The following KLHL4 variants were observed in gnomAD, a reference collection of about 807,000 sequenced individuals.
KLHL4 encodes the protein kelch-like protein 4.
KLHL4 carries 17 observed loss-of-function variants against 45.8 expected under a neutral mutation model. That is an observed-to-expected ratio of 0.37 (90% CI 0.25 to 0.56). The LOEUF is 0.56. Ranked by LOEUF, KLHL4 falls within the 20% of genes least tolerant of loss-of-function variation. KLHL4 has a pLI of 0.79. For synonymous variants in KLHL4, 224 were observed against 189.9 expected, an observed-to-expected ratio of 1.18 and a Z score of -1.47; for missense variants, 544 against 544.9, an observed-to-expected ratio of 1.00 and a Z score of 0.02.
intron 1 of KLHL4, among the ~76,000 whole-genome samples, chrX:87,585,403 A>G (rs1216807907): frequency 8.9e-6 from 1 of 112,000 alleles, no homozygotes; most frequent in African/African-American, 3.2e-5. Context: ...ACGAAAAATA[A>G]TAAGTACAAC....
Position 87,669,556 on chromosome X carries a change from G to T in KLHL4, c.*3022G>T. 1 of 550,023 alleles carries T rather than the reference G, an allele frequency of 1.8e-6. No individual in the cohort carries two copies. Among genetic ancestry groups the T allele is most frequent in the African/African-American group, 2.4e-5 (1 of 40,973 alleles). The allele number at this position is 550,023 out of a possible 1,213,427, so 45.3% of individuals were successfully genotyped here. ...CCTGTGACTCTGGATTTTATTTTAAGTTCTCTAACAAGACTCCTACCTTGA... is the reference window on the plus strand; with the variant it reads ...CCTGTGACTCTGGATTTTATTTTAATTTCTCTAACAAGACTCCTACCTTGA... On this transcript the variant is annotated 3_prime_UTR_variant, in exon 11 of 11. Coordinates refer to ENST00000373119, the MANE Select transcript of KLHL4 (RefSeq NM_019117.5).
intron 1 of KLHL4, among the ~76,000 whole-genome samples, chrX:87,543,939 C>A: frequency 9.0e-6 from 1 of 111,344 alleles, no homozygotes; most frequent in Admixed American, 9.5e-5. Context: ...CCTCTATGGT[C>A]TAGGTATGCC....
In KLHL4 at chrX:87,549,261, C is replaced by A. The variant is rs185014118; in HGVS notation, c.422+30946C>A. ...ATATATGCATCCAAGATGGTAGCAC[C>A]CAGATTTATAAAGGAAATATTATTA... On this transcript the variant is annotated intron_variant, in intron 1 of 10. Transcript: ENST00000373119. Among the ~76,000 whole-genome samples, 447 of 110,008 alleles carry A rather than the reference C, an allele frequency of 4.1e-3. 1 individual carries two copies. Among genetic ancestry groups the A allele is most frequent in the Non-Finnish European group, 6.1e-3 (320 of 52,446 alleles).
chrX:87,563,817 C>A (rs1357748686), intron 1 of KLHL4, among the ~76,000 whole-genome samples: 1 of 110,447 alleles, frequency 9.1e-6, no homozygotes, highest in South Asian at 3.8e-4. Flanking sequence ...ATCAAACTCC[C>A]AAAGGTCATG....
At chrX:87,531,691 G>A (rs1269959282) in intron 1 of KLHL4, among the ~76,000 whole-genome samples, 1 of 103,714 alleles carries the variant, frequency 9.6e-6, no homozygotes, top group Non-Finnish European at 2.0e-5. Flanking sequence ...ACCAATAACA[G>A]ACAAACAGAG....
At chrX:87,646,362 AC>A (rs1313019223) in intron 9 of KLHL4, among the ~76,000 whole-genome samples, 1 of 111,463 alleles carries the variant, frequency 9.0e-6, no homozygotes, top group Non-Finnish European at 1.9e-5. Context: ...TTATAATACC[AC>A]CAGCATTCTT....
chrX:87,639,504 C>G (rs144556778), intron 9 of KLHL4, among the ~76,000 whole-genome samples: 6,057 of 111,175 alleles, frequency 0.054, 400 homozygotes, highest in African/African-American at 0.18. Flanking sequence ...GAAATTTTAT[C>G]AAGTACTCTG....
At chrX:87,641,787 C>A (rs1923468657) in intron 9 of KLHL4, among the ~76,000 whole-genome samples, 1 of 110,564 alleles carries the variant, frequency 9.0e-6, no homozygotes, top group Non-Finnish European at 1.9e-5. Context: ...ACTTCCCTGA[C>A]AACCTGCATG....
intron 10 of KLHL4, among the ~76,000 whole-genome samples, 160 bp from the exon 11 acceptor site, chrX:87,666,315 A>T (rs1469525792): frequency 3.6e-5 from 4 of 111,679 alleles, no homozygotes; most frequent in Non-Finnish European, 5.7e-5. Context: ...TTTTTCCAGC[A>T]CACTACACTG....
chrX:87,541,474 GAGA>G (rs1931555439), intron 1 of KLHL4, among the ~76,000 whole-genome samples: 1 of 52,028 alleles, frequency 1.9e-5, no homozygotes, highest in African/African-American at 8.8e-5. Flanking sequence ...CTGGGTGACA[GAGA>G]GAGACTCCAT....
At chrX:87,561,230 C>T (rs1932091746) in intron 1 of KLHL4, among the ~76,000 whole-genome samples, 1 of 110,578 alleles carries the variant, frequency 9.0e-6, no homozygotes, top group Non-Finnish European at 1.9e-5. Context: ...AGGTGAGTTA[C>T]GACAGCACCT....
At chrX:87,561,035 A>T (rs1932087033) in intron 1 of KLHL4, among the ~76,000 whole-genome samples, 3 of 111,463 alleles carry the variant, frequency 2.7e-5, no homozygotes, top group African/African-American at 9.8e-5. Context: ...TAAAACCTGA[A>T]ATTATGAAAC....
chrX:87,626,230 G>A, intron 6 of KLHL4, among the ~76,000 whole-genome samples: 1 of 111,355 alleles, frequency 9.0e-6, no homozygotes, highest in Non-Finnish European at 1.9e-5. Flanking sequence ...AGACATCAAC[G>A]TGTAAGGTAT....
intron 1 of KLHL4, among the ~76,000 whole-genome samples, chrX:87,608,388 C>A (rs1279907526): frequency 9.0e-6 from 1 of 111,685 alleles, no homozygotes; most frequent in African/African-American, 3.3e-5. Context: ...CCTCACCATT[C>A]TCTTCCTTTC....
intron 8 of KLHL4, among the ~76,000 whole-genome samples, chrX:87,634,278 T>C (rs189534988): frequency 3.6e-5 from 4 of 111,590 alleles, no homozygotes; most frequent in African/African-American, 1.3e-4. Flanking sequence ...AAAACTTTAG[T>C]CTGTCTATGG....
intron 1 of KLHL4, among the ~76,000 whole-genome samples, chrX:87,610,100 C>A (rs1922323149): frequency 9.0e-6 from 1 of 111,689 alleles, no homozygotes; most frequent in Non-Finnish European, 1.9e-5. Flanking sequence ...AGATGCCTTC[C>A]ATTACCACTC....
In KLHL4 at chrX:87,604,274, ATGGTAT is replaced by A. The variant is rs1443903530; in HGVS notation, c.423-9602_423-9597del. Among the ~76,000 whole-genome samples, 4 of 110,460 alleles carry A rather than the reference ATGGTAT, an allele frequency of 3.6e-5. No individual in the cohort carries two copies. The East Asian group carries it at 1.1e-3, about 31-fold the overall frequency. On this transcript the variant is annotated intron_variant, in intron 1 of 10. Coordinates refer to ENST00000373119, the MANE Select transcript of KLHL4 (RefSeq NM_019117.5). ...CCCAGTAGTGGGATTGAAAGATCCT[ATGGTAT>A]CTATCAGTCACATAGGTATTCATAT...
chrX:87,519,893 C>T (rs1602395501), intron 1 of KLHL4, among the ~76,000 whole-genome samples: 1 of 111,895 alleles, frequency 8.9e-6, no homozygotes, highest in South Asian at 3.7e-4. Flanking sequence ...GGAATATTTA[C>T]AATAAAATAG....
At position 87,563,531 on chromosome X, in the gene KLHL4, T is replaced by C. The variant is rs1486267513; in HGVS notation, c.422+45216T>C. Reference sequence around the variant, plus strand: ...AGAATGCATCAGAGTCTCTCAACAGTAGAATTGATCAAGCAGAAGAAAGAA... The same window carrying C: ...AGAATGCATCAGAGTCTCTCAACAGCAGAATTGATCAAGCAGAAGAAAGAA... On this transcript the variant is annotated intron_variant, in intron 1 of 10. Coordinates refer to ENST00000373119, the MANE Select transcript of KLHL4 (RefSeq NM_019117.5). 4.0e-5 allele frequency among the ~76,000 whole-genome samples: 4 copies of C among 99,649 alleles called. 1 individual carries two copies. The highest frequency in any genetic ancestry group is 8.0e-5 in the Non-Finnish European group (4 of 49,891). The allele number at this position is 99,649 out of a possible 115,157, so 86.5% of individuals were successfully genotyped here.
Sources: allele counts gnomAD v4.1 joint callset (sites outside exome capture counted in the v4.1 genomes callset), GRCh38; gene constraint gnomAD v4.1.1; transcripts MANE v1.5; gene names NCBI Gene and HGNC (gene_info 2026-07-23, HGNC 2026-07-21).